The following LRRC8A variants were observed in gnomAD, a reference collection of about 807,000 sequenced individuals.
LRRC8A encodes leucine rich repeat containing 8 VRAC subunit A.
LRRC8A carries 24 observed loss-of-function variants against 52.5 expected under a neutral mutation model. That is an observed-to-expected ratio of 0.46 (90% CI 0.33 to 0.64). LRRC8A has a LOEUF of 0.64. Among genes scored for constraint, LRRC8A ranks in the 30% least tolerant of loss-of-function variants. LRRC8A has a pLI of 0.02. For missense variants in LRRC8A, 677 were observed against 1,094.7 expected, an observed-to-expected ratio of 0.62 and a Z score of 5.38; for synonymous variants, 492 against 494.2, an observed-to-expected ratio of 1.00 and a Z score of 0.06.
chr9:128,892,736 G>A lies in LRRC8A; in HGVS notation c.-9+6615G>A, dbSNP rs947209004. Among the ~76,000 whole-genome samples, 10 of 152,182 alleles carry A rather than the reference G, an allele frequency of 6.6e-5. No homozygotes were observed. The highest frequency in any genetic ancestry group is 2.4e-4 in the African/African-American group (10 of 41,472). On this transcript the variant is annotated intron_variant, in intron 2 of 3. Coordinates refer to ENST00000372600, the MANE Select transcript of LRRC8A (RefSeq NM_019594.4). The surrounding 1 kb of genome is among the most constrained non-coding windows in gnomAD (Gnocchi z 5.2). ...ACATGACCCATGGCCCGTGGTGGGA[G>A]CAGATCCACAGGCTTGGAACCCTCC...
chr9:128,895,275 G>C (rs1035563411), intron 2 of LRRC8A, among the ~76,000 whole-genome samples: 2 of 152,120 alleles, frequency 1.3e-5, no homozygotes, highest in Non-Finnish European at 2.9e-5. Flanking sequence ...CTTGAACCCG[G>C]GAGGTGGAGG....
intron 2 of LRRC8A, among the ~76,000 whole-genome samples, chr9:128,889,544 G>A (rs1839521717): frequency 6.6e-6 from 1 of 151,302 alleles, no homozygotes; most frequent in Admixed American, 6.6e-5. Flanking sequence ...CACCCAGGCT[G>A]GAGTGCAGTG....
At position 128,899,705 on chromosome 9, in the gene LRRC8A, CAGAG is replaced by C. The variant is rs775009833; in HGVS notation, c.-8-7447_-8-7444del. On this transcript the variant is annotated intron_variant, in intron 2 of 3. Transcript: ENST00000372600. The surrounding 1 kb of genome is among the most constrained non-coding windows in gnomAD (Gnocchi z 4.0). Reference sequence around the variant, plus strand: ...GAGGTCCCTAGAGAAGTCAGATTGACAGAGAGAGGAAGTGGGATGGAGTGCTTGG... The same window carrying C: ...GAGGTCCCTAGAGAAGTCAGATTGACAGAGGAAGTGGGATGGAGTGCTTGG... 2.0e-5 allele frequency among the ~76,000 whole-genome samples: 3 copies of C among 152,160 alleles called. No homozygotes were observed. Among genetic ancestry groups the C allele is most frequent in the South Asian group, 2.1e-4 (1 of 4,824 alleles).
chr9:128,901,967 A>G (rs543781249), intron 2 of LRRC8A, among the ~76,000 whole-genome samples: 1 of 152,318 alleles, frequency 6.6e-6, no homozygotes, highest in Admixed American at 6.5e-5. Flanking sequence ...AGAATCACAC[A>G]GCAGAGGACA....
At chr9:128,915,957 T>C in intron 3 of LRRC8A, 139 bp from the exon 4 acceptor site, 1 of 1,047,722 alleles carries the variant, frequency 9.5e-7, no homozygotes, top group Non-Finnish European at 1.4e-6. Flanking sequence ...TGGCCAGAGT[T>C]TGGCCCAGAT....
In LRRC8A at chr9:128,908,761, C is replaced by T. The variant is rs113017554; in HGVS notation, c.1597C>T (p.Arg533Cys). The change falls in exon 3 of 4, where the codon CGC (arginine) becomes TGC (cysteine). Residue 533 changes from arginine to cysteine, a missense_variant. By Grantham distance (180) the Arg-to-Cys change is radical. This residue lies in a region of LRRC8A where 422 missense variants were observed against 741.5 expected (regional missense o/e 0.57). Coordinates refer to ENST00000372600, the MANE Select transcript of LRRC8A (RefSeq NM_019594.4). The part of the protein sequence containing the change: ...LTGNLSAENN[R>C]YIVIDGLREL... ...GGGCAACCTGAGCGCGGAGAACAAC[C>T]GCTACATCGTCATCGACGGGCTGCG... 2.5e-6 allele frequency: 4 copies of T among 1,613,292 alleles called. No individual in the cohort carries two copies. Among genetic ancestry groups the T allele is most frequent in the Admixed American group, 1.7e-5 (1 of 60,016 alleles).
At position 128,902,201 on chromosome 9, in the gene LRRC8A, A is replaced by AT. The variant is rs55858199; in HGVS notation, c.-8-4947dup. Among the ~76,000 whole-genome samples the AT allele has an allele frequency of 0.031, 4,740 of 151,290 alleles. 117 individuals carry two copies. Among genetic ancestry groups the AT allele is most frequent in the Non-Finnish European group, 0.048 (3,235 of 67,750 alleles). On this transcript the variant is annotated intron_variant, in intron 2 of 3. Transcript: ENST00000372600. This position sits in a 1 kb window ranked among gnomAD's most constrained non-coding sequence, Gnocchi z 4.1. ...CTGAAGCAGAAGTCCCACCTTGATC[A>AT]TTTTTTTTTACCCCCGCTGGACCTA... is the stretch of plus-strand genomic sequence containing the variant.
In LRRC8A at chr9:128,908,538, C is replaced by A; in HGVS notation, c.1374C>A (p.Asp458Glu). The A allele has an allele frequency of 6.2e-7, 1 of 1,612,776 alleles. No individual in the cohort carries two copies. The highest frequency in any genetic ancestry group is 8.5e-7 in the Non-Finnish European group (1 of 1,179,950). ...TCCTCAAGCTGGAGCTGATCCCCGA[C>A]GTGACCATCCCGCCCAGCATTGCCC... The part of the protein sequence containing the change: ...LEVLKLELIP[D>E]VTIPPSIAQL... Residue 458 changes from aspartate to glutamate, a missense_variant, in exon 3 of 4, where the codon GAC (aspartate) becomes GAA (glutamate). Around this residue, in one of 4 missense-constraint regions of LRRC8A, gnomAD observed 422 missense variants for 741.5 expected, o/e 0.57. Transcript: ENST00000372600.
At chr9:128,882,328 C>G (rs1839076385) in intron 1 of LRRC8A, 78 bp downstream of exon 1, 1 of 172,180 alleles carries the variant, frequency 5.8e-6, no homozygotes, top group Non-Finnish European at 1.2e-5. Flanking sequence ...GGCCAGCTGC[C>G]CGGCCCGGGG....
At chr9:128,884,217 T>G (rs1359644522) in intron 1 of LRRC8A, among the ~76,000 whole-genome samples, 1 of 152,074 alleles carries the variant, frequency 6.6e-6, no homozygotes, top group Admixed American at 6.6e-5. Context: ...ACCTTGCCTG[T>G]AGGAGTTGGA....
At chr9:128,882,971 G>A (rs1839162516) in intron 1 of LRRC8A, 1 of 394,554 alleles carries the variant, frequency 2.5e-6, no homozygotes, top group East Asian at 3.6e-5. Context: ...GGGTCATGGA[G>A]TTCATGATGA....
At chr9:128,886,356 T>C (rs1323583214) in intron 2 of LRRC8A, among the ~76,000 whole-genome samples, 3 of 152,202 alleles carry the variant, frequency 2.0e-5, no homozygotes, top group Non-Finnish European at 4.4e-5. Flanking sequence ...CCTCTGTTTT[T>C]TCTCCTTCAC....
At chr9:128,887,490 A>G (rs1588195771) in intron 2 of LRRC8A, among the ~76,000 whole-genome samples, 1 of 151,906 alleles carries the variant, frequency 6.6e-6, no homozygotes, top group African/African-American at 2.4e-5. Flanking sequence ...GTCATCTAGG[A>G]AATGAGTCTC....
chr9:128,898,387 T>C (rs1839904781), intron 2 of LRRC8A, among the ~76,000 whole-genome samples: 2 of 152,204 alleles, frequency 1.3e-5, no homozygotes, highest in South Asian at 4.1e-4. Context: ...GGTGTGCTTA[T>C]TGTCCACCTA....
chr9:128,893,972 G>A (rs556328036), intron 2 of LRRC8A, among the ~76,000 whole-genome samples: 2 of 151,924 alleles, frequency 1.3e-5, no homozygotes, highest in Non-Finnish European at 2.9e-5. Flanking sequence ...TGCGCCTCCC[G>A]GGTTCAAGTG....
At chr9:128,900,870 T>G (rs1425123411) in intron 2 of LRRC8A, among the ~76,000 whole-genome samples, 4 of 151,612 alleles carry the variant, frequency 2.6e-5, no homozygotes, top group Non-Finnish European at 4.4e-5. Flanking sequence ...CTCAAATTTT[T>G]ATTTTAAATT....
intron 2 of LRRC8A, among the ~76,000 whole-genome samples, chr9:128,904,441 C>T (rs1216594331): frequency 6.6e-6 from 1 of 151,974 alleles, no homozygotes; most frequent in East Asian, 1.9e-4. Flanking sequence ...TCATGTGAAC[C>T]CAGGAGGCGG....
Position 128,907,634 on chromosome 9 carries a change from TG to T in LRRC8A, c.471del (p.Ser158LeufsTer4). 1 of 1,614,160 alleles carries T rather than the reference TG, an allele frequency of 6.2e-7. No individual in the cohort carries two copies. The highest frequency in any genetic ancestry group is 8.5e-7 in the Non-Finnish European group (1 of 1,180,038). ...ACCAGCTCGAAGCTGGAGCACTTTG[TG>T]TCTATCCTGCTGAAGTGCTTCGACT... ...PRTSSKLEHFVSILLKCFDSP... is the reference protein window; with the variant it reads ...PRTSSKLEHFXSILLKCFDSP... On this transcript the variant is annotated frameshift_variant, in exon 3 of 4. Transcript: ENST00000372600. LOFTEE classifies it high-confidence loss of function. The surrounding 1 kb of genome is among the most constrained non-coding windows in gnomAD (Gnocchi z 9.3).
At chr9:128,905,603 G>A (rs1840214511) in intron 2 of LRRC8A, among the ~76,000 whole-genome samples, 1 of 152,202 alleles carries the variant, frequency 6.6e-6, no homozygotes, top group Non-Finnish European at 1.5e-5. Flanking sequence ...CCAGCACTTT[G>A]GGAGGCTGAG....
Sources: gnomAD v4.1 joint callset for allele counts (sites outside exome capture counted in the v4.1 genomes callset) on GRCh38, gnomAD v4.1.1 for gene constraint, gnomAD v4.1.1 regional missense constraint, Gnocchi (gnomAD v3.1) non-coding constraint, MANE v1.5 for transcripts, NCBI Gene and HGNC (gene_info 2026-07-23, HGNC 2026-07-21) for gene names.